Variants in TENM3 observed in about 807,000 individuals in gnomAD.
TENM3 encodes teneurin transmembrane protein 3, also known as teneurin-3.
A neutral mutation model predicts 255.1 loss-of-function variants in TENM3; 63 were observed. The ratio of observed to expected loss-of-function variants is 0.25; its 90% CI spans 0.20 to 0.30. The LOEUF (loss-of-function observed/expected upper bound fraction) is 0.30. Ranked by LOEUF, TENM3 falls within the 10% of genes least tolerant of loss-of-function variation. The pLI is 1.00. For missense variants in TENM3, 2,929 were observed against 3,461.1 expected (o/e 0.85, Z 3.86); for synonymous variants, 1,306 against 1,322.3 (o/e 0.99, Z 0.27).
At chr4:182,119,309 A>G in the TENM3 span, among the ~76,000 whole-genome samples, 21 of 152,148 alleles carry the variant, frequency 1.4e-4, no homozygotes, top group South Asian at 1.0e-3. Flanking sequence ...TATTTCTCCT[A>G]TATACACCAG....
chr4:182,606,921 A>T (rs553462434), intron 4 of TENM3, among the ~76,000 whole-genome samples: 2 of 152,224 alleles, frequency 1.3e-5, no homozygotes, highest in East Asian at 1.9e-4. Flanking sequence ...TATAGTAGGG[A>T]TACAAATCAC....
chr4:182,055,471 T>G, the TENM3 span, among the ~76,000 whole-genome samples: 1 of 152,170 alleles, frequency 6.6e-6, no homozygotes, highest in Non-Finnish European at 1.5e-5. Context: ...CCCTTGAGGA[T>G]AGTATGCATG....
chr4:181,782,101 C>T, the TENM3 span, among the ~76,000 whole-genome samples: 1 of 152,050 alleles, frequency 6.6e-6, no homozygotes, highest in East Asian at 1.9e-4. Flanking sequence ...TGTATCTCTG[C>T]CAGGCTTTGG....
At chr4:181,683,430 T>C in the TENM3 span, among the ~76,000 whole-genome samples, 2 of 152,176 alleles carry the variant, frequency 1.3e-5, no homozygotes, top group Admixed American at 1.3e-4. Flanking sequence ...TTACACTTTA[T>C]ATTAGACTCA....
intron 6 of TENM3, among the ~76,000 whole-genome samples, chr4:182,658,332 T>C (rs1179526806): frequency 6.6e-6 from 1 of 152,208 alleles, no homozygotes; most frequent in Non-Finnish European, 1.5e-5. Flanking sequence ...GATCCCTAAA[T>C]ACTGCTGTTT....
chr4:182,437,796 TAA>T (rs35043762), intron 3 of TENM3, among the ~76,000 whole-genome samples: 5 of 138,506 alleles, frequency 3.6e-5, no homozygotes, highest in Admixed American at 1.5e-4. Context: ...AGACTCCGTC[TAA>T]AAAAAAAAAA....
chr4:181,503,247 T>A, the TENM3 span, among the ~76,000 whole-genome samples: 2 of 152,082 alleles, frequency 1.3e-5, no homozygotes, highest in African/African-American at 4.8e-5. Flanking sequence ...GATCCTGTGA[T>A]CCCATCTACT....
At chr4:181,498,882 T>A in the TENM3 span, among the ~76,000 whole-genome samples, 1 of 152,228 alleles carries the variant, frequency 6.6e-6, no homozygotes, top group African/African-American at 2.4e-5. Context: ...GGTTAGATAA[T>A]AACTTCTATC....
the TENM3 span, among the ~76,000 whole-genome samples, chr4:182,032,634 C>A: frequency 6.6e-6 from 1 of 152,094 alleles, no homozygotes; most frequent in East Asian, 1.9e-4. Flanking sequence ...ATGGTACCAG[C>A]TCCTATTTGT....
rs1390073899 is a variant in TENM3 at position 182,780,697 on chromosome 4, G to C, written c.5304+5544G>C. 4.2e-3 allele frequency among the ~76,000 whole-genome samples: 638 copies of C among 150,558 alleles called. 7 individuals carry two copies. The highest frequency in any genetic ancestry group is 0.015 in the African/African-American group (607 of 40,588). On this transcript the variant is annotated intron_variant, in intron 24 of 27. Transcript: ENST00000511685. ...TTCTTCCTACCCATGAGCATGGAAT[G>C]TTCTTCCATTTGTTTGTATCCTCTT...
At chr4:182,494,161 T>G (rs937814876) in intron 3 of TENM3, among the ~76,000 whole-genome samples, 3 of 152,164 alleles carry the variant, frequency 2.0e-5, no homozygotes, top group Non-Finnish European at 2.9e-5. Context: ...TTGAGTGTGT[T>G]AAGCAAGAAA....
intron 3 of TENM3, among the ~76,000 whole-genome samples, chr4:182,446,575 A>G (rs556570799): frequency 6.6e-6 from 1 of 152,232 alleles, no homozygotes; most frequent in African/African-American, 2.4e-5. Flanking sequence ...GTGGTTGTCA[A>G]AAATCAAGGA....
chr4:181,885,615 T>C, the TENM3 span, among the ~76,000 whole-genome samples: 60 of 152,258 alleles, frequency 3.9e-4, no homozygotes, highest in African/African-American at 1.4e-3. Context: ...AACCTCTACT[T>C]GAGCATGAAA....
In TENM3 at chr4:182,799,489, G is replaced by A; in HGVS notation, c.7345-107G>A. ...CCTTCTGGTCAGGGAAGGACCCCGG[G>A]GCTTCCATGCATGCCCCGGCGCTGC... On this transcript the variant is annotated intron_variant, in intron 27 of 27. Transcript: ENST00000511685. This position sits in a 1 kb window ranked among gnomAD's most constrained non-coding sequence, Gnocchi z 4.2. 14 of 1,411,354 alleles carry A rather than the reference G, an allele frequency of 9.9e-6. No homozygotes were observed. Among genetic ancestry groups the A allele is most frequent in the East Asian group, 2.5e-5 (1 of 39,724 alleles). The allele number at this position is 1,411,354 out of a possible 1,614,324, so 87.4% of individuals were successfully genotyped here.
chr4:182,276,932 C>G (rs1053818778), intron 1 of TENM3, among the ~76,000 whole-genome samples: 1 of 152,164 alleles, frequency 6.6e-6, no homozygotes, highest in Non-Finnish European at 1.5e-5. Context: ...ACAGGACTAC[C>G]TTGTGAAACA....
intron 3 of TENM3, among the ~76,000 whole-genome samples, chr4:182,453,801 A>C (rs1015412331): frequency 5.3e-5 from 8 of 152,198 alleles, no homozygotes; most frequent in Admixed American, 6.5e-5. Flanking sequence ...ATTACCTTAT[A>C]TAACAAGTTT....
the TENM3 span, among the ~76,000 whole-genome samples, chr4:182,136,552 T>G: frequency 6.6e-6 from 1 of 152,216 alleles, no homozygotes; most frequent in Non-Finnish European, 1.5e-5. Flanking sequence ...GTAAAACATA[T>G]GATAAGGATA....
At chr4:182,118,336 A>G in the TENM3 span, among the ~76,000 whole-genome samples, 1 of 152,334 alleles carries the variant, frequency 6.6e-6, no homozygotes, top group South Asian at 2.1e-4. Flanking sequence ...AGCAGTGGTA[A>G]GACAGGACAG....
chr4:181,634,925 A>G, the TENM3 span, among the ~76,000 whole-genome samples: 7 of 152,328 alleles, frequency 4.6e-5, no homozygotes, highest in South Asian at 8.3e-4. Flanking sequence ...TATGAAAAAC[A>G]TACTCTATAT....
Sources: gnomAD v4.1 joint callset for allele counts (sites outside exome capture counted in the v4.1 genomes callset) on GRCh38, gnomAD v4.1.1 for gene constraint, Gnocchi (gnomAD v3.1) non-coding constraint, MANE v1.5 for transcripts, NCBI Gene and HGNC (gene_info 2026-07-23, HGNC 2026-07-21) for gene names.